CFAP77: variants seen among roughly 807,000 people sequenced by gnomAD.
The protein encoded by CFAP77 is cilia- and flagella-associated protein 77.
CFAP77 carries 25 observed loss-of-function variants against 31.1 expected under a neutral mutation model. The ratio of observed to expected loss-of-function variants is 0.80; its 90% CI spans 0.59 to 1.12. The LOEUF is 1.12. Ranked by LOEUF, CFAP77 falls within the 50% of genes most tolerant of loss-of-function variation. CFAP77 has a pLI of 0.00. For missense variants in CFAP77, 377 were observed against 397.3 expected (o/e 0.95, Z 0.44); for synonymous variants, 151 against 159.9 (o/e 0.94, Z 0.42).
intron 1 of CFAP77, among the ~76,000 whole-genome samples, chr9:132,417,399 C>T (rs1226683176): frequency 1.3e-5 from 2 of 152,226 alleles, no homozygotes. Flanking sequence ...AGGCGTGAGC[C>T]ACCATGTCTG....
Position 132,554,249 on chromosome 9 carries a change from G to A in CFAP77, c.732+11202G>A, listed in dbSNP as rs1230021775. Reference sequence around the variant, plus strand: ...AATGTGCTCCGTTTGGCTTCATGTGGCAGAAATTGAGCAAGGGTTAGAATC... The same window carrying A: ...AATGTGCTCCGTTTGGCTTCATGTGACAGAAATTGAGCAAGGGTTAGAATC... On this transcript the variant is annotated intron_variant, in intron 5 of 5. Coordinates refer to ENST00000393216, the MANE Select transcript of CFAP77 (RefSeq NM_001282957.2). The surrounding 1 kb of genome is among the most constrained non-coding windows in gnomAD (Gnocchi z 4.1). Among the ~76,000 whole-genome samples the A allele has an allele frequency of 6.6e-6, 1 of 152,232 alleles. No individual in the cohort carries two copies. Among genetic ancestry groups the A allele is most frequent in the Non-Finnish European group, 1.5e-5 (1 of 68,034 alleles).
chr9:132,553,290 G>A (rs1852850227), intron 5 of CFAP77, among the ~76,000 whole-genome samples: 1 of 152,100 alleles, frequency 6.6e-6, no homozygotes, highest in African/African-American at 2.4e-5. Flanking sequence ...CATCACACTG[G>A]GGGTCAGGGA....
chr9:132,445,329 G>A (rs1262840941), intron 1 of CFAP77, among the ~76,000 whole-genome samples: 2 of 152,140 alleles, frequency 1.3e-5, no homozygotes, highest in East Asian at 3.9e-4. Context: ...CATCATAAAA[G>A]CAGAAGCCTA....
rs1267349199 is a variant in CFAP77, at chr9:132,517,772, AAGTGTC to A, written c.524+18175_524+18180del. On this transcript the variant is annotated intron_variant, in intron 3 of 5. Coordinates refer to ENST00000393216, the MANE Select transcript of CFAP77 (RefSeq NM_001282957.2). This position sits in a 1 kb window ranked among gnomAD's most constrained non-coding sequence, Gnocchi z 4.7. ...TCAGCCCTCATCCCCCGCACACACA[AAGTGTC>A]AGCCTAATGTTTGCAAATGATAATT... Among the ~76,000 whole-genome samples the A allele has an allele frequency of 6.6e-6, 1 of 152,162 alleles. No homozygotes were observed. Among genetic ancestry groups the A allele is most frequent in the Non-Finnish European group, 1.5e-5 (1 of 68,032 alleles).
rs979812798 is a variant in CFAP77 at position 132,415,059 on chromosome 9, C to T, written c.195+4593C>T. Among the ~76,000 whole-genome samples the T allele has an allele frequency of 1.1e-4, 17 of 152,138 alleles. No individual in the cohort carries two copies. The East Asian group carries it at 2.7e-3, about 24-fold the overall frequency. Reference sequence around the variant, plus strand: ...TTGAGTACAATCTGAAAATGTTACACGCAGCTTTATTGTTGAAGAGAATAT... The same window carrying T: ...TTGAGTACAATCTGAAAATGTTACATGCAGCTTTATTGTTGAAGAGAATAT... On this transcript the variant is annotated intron_variant, in intron 1 of 5. Transcript: ENST00000393216.
intron 5 of CFAP77, among the ~76,000 whole-genome samples, chr9:132,568,204 C>T (rs550688307): frequency 6.6e-5 from 10 of 152,070 alleles, no homozygotes; most frequent in Non-Finnish European, 8.8e-5. Context: ...GTTTCATTTA[C>T]GCAAAATGAA....
At chr9:132,422,937 G>A (rs923665125) in intron 1 of CFAP77, among the ~76,000 whole-genome samples, 2 of 152,184 alleles carry the variant, frequency 1.3e-5, no homozygotes, top group African/African-American at 2.4e-5. Flanking sequence ...GGCTGGTTTA[G>A]GGTTAGTGAC....
rs1371183793 is a variant in CFAP77 at position 132,554,875 on chromosome 9, T to C, written c.732+11828T>C. ...ATCCGTCCATCCATCTGTCCATTCA[T>C]TCATCTATCCAACCATCTATCTATC... On this transcript the variant is annotated intron_variant, in intron 5 of 5. Transcript: ENST00000393216. The surrounding 1 kb of genome is among the most constrained non-coding windows in gnomAD (Gnocchi z 4.1). Among the ~76,000 whole-genome samples, 1 of 152,158 alleles carries C rather than the reference T, an allele frequency of 6.6e-6. No individual in the cohort carries two copies. The highest frequency in any genetic ancestry group is 1.5e-5 in the Non-Finnish European group (1 of 68,030).
chr9:132,445,587 G>A (rs1368834435), intron 1 of CFAP77, among the ~76,000 whole-genome samples: 1 of 152,162 alleles, frequency 6.6e-6, no homozygotes, highest in Non-Finnish European at 1.5e-5. Context: ...AAATAAATAT[G>A]CTGGGCGCGG....
chr9:132,422,555 C>T (rs1850236845), intron 1 of CFAP77, among the ~76,000 whole-genome samples: 1 of 152,092 alleles, frequency 6.6e-6, no homozygotes, highest in African/African-American at 2.4e-5. Context: ...CTGTTCCAGG[C>T]AAAATAAGAG....
intron 1 of CFAP77, among the ~76,000 whole-genome samples, chr9:132,459,139 T>C (rs1850985410): frequency 6.6e-5 from 10 of 151,796 alleles, no homozygotes; most frequent in Admixed American, 6.6e-4. Flanking sequence ...TGGCGTTATC[T>C]TGGCTCACTG....
Position 132,480,523 on chromosome 9 carries a change from C to T in CFAP77, c.196-18172C>T, listed in dbSNP as rs1023854653. On this transcript the variant is annotated intron_variant, in intron 1 of 5. Transcript: ENST00000393216. The surrounding 1 kb of genome is among the most constrained non-coding windows in gnomAD (Gnocchi z 5.8). Reference sequence around the variant, plus strand: ...TGAAGACCTACTGTGTGCCGGGCACCGGAGACGCCACAGCAAATGAGACAG... The same window carrying T: ...TGAAGACCTACTGTGTGCCGGGCACTGGAGACGCCACAGCAAATGAGACAG... 4.6e-5 allele frequency among the ~76,000 whole-genome samples: 7 copies of T among 152,188 alleles called. No individual in the cohort carries two copies. Among genetic ancestry groups the T allele is most frequent in the South Asian group, 2.1e-4 (1 of 4,830 alleles).
At chr9:132,513,909 C>A (rs1421752710) in intron 3 of CFAP77, among the ~76,000 whole-genome samples, 1 of 131,716 alleles carries the variant, frequency 7.6e-6, no homozygotes, top group African/African-American at 2.8e-5. Context: ...CCACGGGTGA[C>A]TGTGAGGAGA....
chr9:132,549,418 C>T lies in CFAP77; in HGVS notation c.732+6371C>T, dbSNP rs190875433. Among the ~76,000 whole-genome samples, 146 of 152,202 alleles carry T rather than the reference C, an allele frequency of 9.6e-4. 1 individual carries two copies. Among genetic ancestry groups the T allele is most frequent in the Middle Eastern group, 3.4e-3 (1 of 294 alleles). ...GTGCAGGAATGGAATGTGTCACATG[C>T]GGAAATAGGGCAATGGGAAGAATGA... On this transcript the variant is annotated intron_variant, in intron 5 of 5. Coordinates refer to ENST00000393216, the MANE Select transcript of CFAP77 (RefSeq NM_001282957.2).
intron 5 of CFAP77, among the ~76,000 whole-genome samples, chr9:132,559,853 G>A (rs1852966090): frequency 6.6e-6 from 1 of 152,232 alleles, no homozygotes; most frequent in Non-Finnish European, 1.5e-5. Flanking sequence ...GGAAAGGAAT[G>A]AAGCGGTCCT....
chr9:132,492,875 A>G (rs1477854184), intron 1 of CFAP77, among the ~76,000 whole-genome samples: 3 of 152,130 alleles, frequency 2.0e-5, no homozygotes, highest in African/African-American at 7.2e-5. Context: ...CCGTACTTGC[A>G]CCTAAAGGGC....
At chr9:132,529,653 C>T (rs144774409) in intron 3 of CFAP77, among the ~76,000 whole-genome samples, 10,984 of 151,066 alleles carry the variant, frequency 0.073, 490 homozygotes, top group South Asian at 0.12. Flanking sequence ...GGTGAAACCC[C>T]GTCTCTACTA....
At chr9:132,479,532 G>T (rs1049570046) in intron 1 of CFAP77, among the ~76,000 whole-genome samples, 1 of 152,200 alleles carries the variant, frequency 6.6e-6, no homozygotes, top group Non-Finnish European at 1.5e-5. Flanking sequence ...CATCCAACCT[G>T]CTGCAGCGCA....
chr9:132,548,679 CG>C (rs201427017), intron 5 of CFAP77, among the ~76,000 whole-genome samples: 1 of 128,766 alleles, frequency 7.8e-6, no homozygotes, highest in Non-Finnish European at 1.7e-5. Context: ...TGTTGGCTGG[CG>C]GGGGGGTCTC....
Sources: allele counts gnomAD v4.1 joint callset (sites outside exome capture counted in the v4.1 genomes callset), GRCh38; gene constraint gnomAD v4.1.1; non-coding constraint Gnocchi (gnomAD v3.1); transcripts MANE v1.5; gene names NCBI Gene and HGNC (gene_info 2026-07-23, HGNC 2026-07-21).